The following WWOX variants were observed in gnomAD, a reference collection of about 807,000 sequenced individuals.
WWOX encodes the protein WW domain-containing oxidoreductase.
A neutral mutation model predicts 46.2 loss-of-function variants in WWOX; 69 were observed. That is an observed-to-expected ratio of 1.49 (90% CI 1.23 to 1.82). WWOX has a LOEUF of 1.82. WWOX is among the 40% of genes most tolerant of loss of function. WWOX has a pLI of 0.00. For synonymous variants in WWOX, 359 were observed against 202.6 expected (o/e 1.77, Z -6.56); for missense variants, 919 against 542.6 (o/e 1.69, Z -6.89).
At chr16:78,546,264 AC>A (rs1317026526) in intron 8 of WWOX, among the ~76,000 whole-genome samples, 1 of 152,216 alleles carries the variant, frequency 6.6e-6, no homozygotes, top group Non-Finnish European at 1.5e-5. Context: ...TGAGGTTGGA[AC>A]TGAAGCATGA....
intron 8 of WWOX, among the ~76,000 whole-genome samples, chr16:79,056,404 T>C (rs941779569): frequency 1.3e-5 from 2 of 152,200 alleles, no homozygotes; most frequent in African/African-American, 4.8e-5. Context: ...GTGTCGTGAA[T>C]GAGGCCTGTG....
chr16:79,056,065 C>G lies in WWOX; in HGVS notation c.1057-155543C>G, dbSNP rs551488811. Among the ~76,000 whole-genome samples the G allele has an allele frequency of 4.6e-5, 7 of 151,478 alleles. No individual in the cohort carries two copies. The South Asian group carries it at 1.0e-3, about 22-fold the overall frequency. ...TTGATAGAATTACTAATTTGAATAG[C>G]TTAGCACAGCTCAGCTTGTAAAAAA... is the stretch of plus-strand genomic sequence containing the variant. On this transcript the variant is annotated intron_variant, in intron 8 of 8. Coordinates refer to ENST00000566780, the MANE Select transcript of WWOX (RefSeq NM_016373.4).
chr16:78,697,619 G>C (rs897510645), intron 8 of WWOX, among the ~76,000 whole-genome samples: 2 of 152,120 alleles, frequency 1.3e-5, no homozygotes, highest in Non-Finnish European at 2.9e-5. Context: ...CTCAAAAGAA[G>C]ATACACAAAT....
intron 5 of WWOX, among the ~76,000 whole-genome samples, chr16:78,180,923 A>C (rs1478091692): frequency 6.6e-6 from 1 of 152,170 alleles, no homozygotes; most frequent in Non-Finnish European, 1.5e-5. Context: ...AAAGGCTTTA[A>C]AAATTAAAAG....
chr16:78,786,378 A>G (rs1171950057), intron 8 of WWOX, among the ~76,000 whole-genome samples: 5 of 152,190 alleles, frequency 3.3e-5, no homozygotes, highest in Non-Finnish European at 4.4e-5. Flanking sequence ...GGAACACGTT[A>G]TTATATAGTA....
chr16:78,681,956 C>T (rs2047740164), intron 8 of WWOX, among the ~76,000 whole-genome samples: 1 of 152,116 alleles, frequency 6.6e-6, no homozygotes. Context: ...CTAGCAAGCG[C>T]CCAGATGTCA....
At chr16:79,046,611 A>G (rs17646636) in intron 8 of WWOX, among the ~76,000 whole-genome samples, 24,437 of 152,084 alleles carry the variant, frequency 0.16, 2,053 homozygotes, top group Middle Eastern at 0.26. Context: ...TCCCCAGTAC[A>G]CAGAAAAACA....
At chr16:78,540,016 T>TCACACACACACA (rs748514681) in intron 8 of WWOX, among the ~76,000 whole-genome samples, 23 of 120,822 alleles carry the variant, frequency 1.9e-4, no homozygotes, top group African/African-American at 4.8e-4. Context: ...TCTCTCTCTC[T>TCACACACACACA]CTCTCACACA....
chr16:78,564,383 C>G (rs1320225717), intron 8 of WWOX, among the ~76,000 whole-genome samples: 2 of 152,156 alleles, frequency 1.3e-5, no homozygotes, highest in African/African-American at 2.4e-5. Context: ...CGCTGATGCC[C>G]TGGCTAGTGT....
At chr16:78,679,683 T>C (rs541184326) in intron 8 of WWOX, among the ~76,000 whole-genome samples, 1 of 152,358 alleles carries the variant, frequency 6.6e-6, no homozygotes, top group East Asian at 1.9e-4. Context: ...ATTGTTTTCA[T>C]ATAAATCATT....
chr16:78,124,496 G>C (rs2033270426), intron 4 of WWOX, among the ~76,000 whole-genome samples: 1 of 152,114 alleles, frequency 6.6e-6, no homozygotes, highest in African/African-American at 2.4e-5. Context: ...ATAAGGTTGG[G>C]GTCACTAGGA....
intron 8 of WWOX, among the ~76,000 whole-genome samples, chr16:78,697,166 C>T (rs923062296): frequency 6.6e-6 from 1 of 152,210 alleles, no homozygotes; most frequent in African/African-American, 2.4e-5. Flanking sequence ...TTCTTTTCCT[C>T]TGGGAAGATA....
intron 8 of WWOX, among the ~76,000 whole-genome samples, chr16:78,966,819 A>G (rs1022547103): frequency 6.6e-6 from 1 of 152,152 alleles, no homozygotes; most frequent in African/African-American, 2.4e-5. Context: ...AGAATTACCT[A>G]CTGCTTTGGG....
chr16:78,680,738 G>A (rs538673581), intron 8 of WWOX, among the ~76,000 whole-genome samples: 3 of 152,320 alleles, frequency 2.0e-5, no homozygotes, highest in African/African-American at 7.2e-5. Flanking sequence ...TTCCGTGACA[G>A]TAGAGTGTCC....
intron 8 of WWOX, among the ~76,000 whole-genome samples, chr16:78,942,820 G>C (rs113995790): frequency 1.3e-5 from 2 of 152,146 alleles, no homozygotes; most frequent in East Asian, 3.9e-4. Context: ...TGGTTTCCCG[G>C]AAGGGATGAA....
At chr16:78,422,684 T>TATATATATATACACAG (rs1263877025) in intron 6 of WWOX, among the ~76,000 whole-genome samples, 1 of 52,970 alleles carries the variant, frequency 1.9e-5, no homozygotes, top group African/African-American at 1.1e-4. Context: ...TATATATATA[T>TATATATATATACACAG]ACACACACAC....
chr16:78,666,085 G>T (rs752475070), intron 8 of WWOX, among the ~76,000 whole-genome samples: 10 of 152,016 alleles, frequency 6.6e-5, no homozygotes, highest in Non-Finnish European at 1.2e-4. Flanking sequence ...AGGAGTTTGA[G>T]AATAGCCTGG....
intron 8 of WWOX, among the ~76,000 whole-genome samples, chr16:78,754,622 A>T (rs142964141): frequency 9.2e-5 from 14 of 152,292 alleles, no homozygotes; most frequent in African/African-American, 2.9e-4. Flanking sequence ...TTAATTATAT[A>T]AAAAAAGCAT....
chr16:78,839,764 G>A (rs1392057674), intron 8 of WWOX, among the ~76,000 whole-genome samples: 4 of 152,010 alleles, frequency 2.6e-5, no homozygotes, highest in Admixed American at 2.6e-4. Flanking sequence ...ATGCTAAATT[G>A]GGACTGAGGA....
Sources: gnomAD v4.1 joint callset for allele counts (sites outside exome capture counted in the v4.1 genomes callset) on GRCh38, gnomAD v4.1.1 for gene constraint, MANE v1.5 for transcripts, NCBI Gene and HGNC (gene_info 2026-07-23, HGNC 2026-07-21) for gene names.